The following CYP11B1 variants were observed in gnomAD, a reference collection of about 807,000 sequenced individuals.
CYP11B1 encodes cytochrome P450 family 11 subfamily B member 1.
CYP11B1 carries 34 observed loss-of-function variants against 48.3 expected under a neutral mutation model. That is an observed-to-expected ratio of 0.70 (90% CI 0.54 to 0.94). The LOEUF is 0.94. Ranked by LOEUF, CYP11B1 falls within the 40% of genes least tolerant of loss-of-function variation. The pLI, the probability that CYP11B1 is intolerant of heterozygous loss-of-function variation, is 0.00. For synonymous variants in CYP11B1, 291 were observed against 262.5 expected (o/e 1.11, Z -1.05); for missense variants, 688 against 657.4 (o/e 1.05, Z -0.51).
chr8:142,876,737 G>T lies in CYP11B1; in HGVS notation c.744C>A (p.Thr248=). The T allele has an allele frequency of 6.2e-7, 1 of 1,613,988 alleles. No homozygotes were observed. The highest frequency in any genetic ancestry group is 8.5e-7 in the Non-Finnish European group (1 of 1,179,972). The change falls in exon 4 of 9, where the codon ACC becomes ACA. Residue 248 remains threonine, a synonymous_variant. Transcript: ENST00000292427. The part of the protein sequence containing the change: ...MFMPRSLSRW[T]SPKVWKEHFE... Reference sequence around the variant, plus strand: ...AGTGCTCCTTCCACACCTTGGGGCTGGTCCAGCGAGACAGGCTCCTGGGCA... The same window carrying T: ...AGTGCTCCTTCCACACCTTGGGGCTTGTCCAGCGAGACAGGCTCCTGGGCA...
intron 2 of CYP11B1, among the ~76,000 whole-genome samples, chr8:142,878,806 A>C (rs371751829): frequency 1.3e-5 from 2 of 151,862 alleles, no homozygotes; most frequent in Non-Finnish European, 2.9e-5. Flanking sequence ...ATTGCTCTGC[A>C]TCTTCTCTGC....
intron 4 of CYP11B1, 46 bp downstream of exon 4, chr8:142,876,636 C>T (rs1233773351): frequency 6.3e-7 from 1 of 1,579,352 alleles, no homozygotes. Flanking sequence ...AATTGGGCCC[C>T]CATGGTGTCC....
intron 5 of CYP11B1, 146 bp downstream of exon 5, chr8:142,876,095 G>GT (rs1816937884): frequency 1.6e-6 from 2 of 1,275,110 alleles, no homozygotes; most frequent in Non-Finnish European, 2.2e-6. Flanking sequence ...CTGCAAACGT[G>GT]TTTATCACAT....
rs147788769 is a variant in CYP11B1, at chr8:142,879,736, C to G, written c.78G>C (p.Thr26=). ...CTGTCCTGGGGACCCGGGCGGCTCT[C>G]GTGCCCAGTGCCTGTGCCCTTTGCA... ...LSLQRAQALG[T]RAARVPRTVL... The change falls in exon 1 of 9, where the codon ACG becomes ACC. Residue 26 remains threonine (T), a synonymous_variant. Transcript: ENST00000292427. 1.9e-6 allele frequency: 3 copies of G among 1,614,240 alleles called. No homozygotes were observed. The Admixed American group carries it at 5.0e-5, about 27-fold the overall frequency.
chr8:142,878,156 T>A lies in CYP11B1; in HGVS notation c.395+876A>T, dbSNP rs569749825. On this transcript the variant is annotated intron_variant, in intron 2 of 8. Transcript: ENST00000292427. ...GATGCAAGACGCACACACATACAGGTGCGCTCCCCTTCCTTCCGTTATGTG... is the reference window on the plus strand; with the variant it reads ...GATGCAAGACGCACACACATACAGGAGCGCTCCCCTTCCTTCCGTTATGTG... Among the ~76,000 whole-genome samples the A allele has an allele frequency of 1.3e-4, 20 of 152,218 alleles. No individual in the cohort carries two copies. The East Asian group carries it at 2.5e-3, about 19-fold the overall frequency.
rs1817087938 is a variant in CYP11B1, at chr8:142,879,748, C to T, written c.66G>A (p.Gln22=). 1 of 1,614,136 alleles carries T rather than the reference C, an allele frequency of 6.2e-7. No individual in the cohort carries two copies. The highest frequency in any genetic ancestry group is 8.5e-7 in the Non-Finnish European group (1 of 1,180,060). ...CCCGGGCGGCTCTCGTGCCCAGTGC[C>T]TGTGCCCTTTGCAGGGACAGCCAGG... ...AVPWLSLQRA[Q]ALGTRAARVP... is the part of the protein sequence containing the mutation. Residue 22 remains glutamine, a synonymous_variant, in exon 1 of 9, where the codon CAG becomes CAA. Transcript: ENST00000292427.
rs2130274854 is a variant in CYP11B1, at chr8:142,876,688, G to A, written c.793C>T (p.Gln265Ter). ...CCCGGGTCCCTGGCCTCACCGTACT[G>A]GAAGATGCAGTCCCAGGCCTCAAAG... is the stretch of plus-strand genomic sequence containing the variant. ...EHFEAWDCIFQYGDNCIQKIY... is the reference protein window; with the variant it reads ...EHFEAWDCIF The change falls in exon 4 of 9, where the codon CAG becomes TAG. Residue 265 changes from glutamine to a stop codon, truncating the protein, a stop_gained. Coordinates refer to ENST00000292427, the MANE Select transcript of CYP11B1 (RefSeq NM_000497.4). LOFTEE classifies it high-confidence loss of function. 6.2e-7 allele frequency: 1 copy of A among 1,610,824 alleles called. No homozygotes were observed. The highest frequency in any genetic ancestry group is 8.5e-7 in the Non-Finnish European group (1 of 1,178,720).
At chr8:142,876,510 T>G (rs1816956020) in intron 4 of CYP11B1, 115 bp from the exon 5 acceptor site, 1 of 1,542,402 alleles carries the variant, frequency 6.5e-7, no homozygotes, top group Non-Finnish European at 8.8e-7. Flanking sequence ...CATCCCAAAT[T>G]CTCCGGATCA....
In CYP11B1 at chr8:142,879,592, T is replaced by A. The variant is rs200096159; in HGVS notation, c.222A>T (p.Glu74Asp). 6.2e-7 allele frequency: 1 copy of A among 1,614,080 alleles called. No homozygotes were observed. The part of the protein sequence containing the change: ...LHLEVHQTFQ[E>D]LGPIFRYDLG... ...GGCTTTACCTGAAAATGGGCCCTAG[T>A]TCCTGGAAGGTCTGGTGTACTTCCA... The change falls in exon 1 of 9, where the codon GAA becomes GAT. Residue 74 changes from glutamate to aspartate, a missense_variant. By Grantham distance (45) the Glu-to-Asp change is conservative (BLOSUM62 2). Transcript: ENST00000292427.
In CYP11B1 at chr8:142,874,173, C is replaced by A. The variant is rs878861232; in HGVS notation, c.*200G>T. 1.6e-6 allele frequency: 1 copy of A among 622,292 alleles called. No individual in the cohort carries two copies. The highest frequency in any genetic ancestry group is 2.8e-5 in the East Asian group (1 of 35,824). The allele number at this position is 622,292 out of a possible 1,614,324, so 38.5% of individuals were successfully genotyped here. A position where few individuals can be genotyped will look rare whatever the true frequency, so the allele number is the denominator to read the frequency against. ...CTGGGGACAAGGTCAGCAAGATCTTCCCCAGCTGTGCCCTGGCATTGCTGC... is the reference window on the plus strand; with the variant it reads ...CTGGGGACAAGGTCAGCAAGATCTTACCCAGCTGTGCCCTGGCATTGCTGC... On this transcript the variant is annotated 3_prime_UTR_variant, in exon 9 of 9. Transcript: ENST00000292427.
Position 142,879,753 on chromosome 8 carries a change from C to G in CYP11B1, c.61G>C (p.Ala21Pro). The change falls in exon 1 of 9, where the codon GCA (alanine) becomes CCA (proline). Residue 21 changes from alanine (A) to proline (P), a missense_variant. Physicochemically the swap from Ala to Pro is conservative, Grantham distance 27. Transcript: ENST00000292427. The part of the protein sequence containing the change: ...MAVPWLSLQR[A>P]QALGTRAARV... Reference sequence around the variant, plus strand: ...GCGGCTCTCGTGCCCAGTGCCTGTGCCCTTTGCAGGGACAGCCAGGGCACT... The same window carrying G: ...GCGGCTCTCGTGCCCAGTGCCTGTGGCCTTTGCAGGGACAGCCAGGGCACT... The G allele has an allele frequency of 6.2e-7, 1 of 1,614,208 alleles. No individual in the cohort carries two copies. The highest frequency in any genetic ancestry group is 8.5e-7 in the Non-Finnish European group (1 of 1,180,040).
At position 142,876,335 on chromosome 8, in the gene CYP11B1, G is replaced by C; in HGVS notation, c.860C>G (p.Thr287Ser). The change falls in exon 5 of 9, where the codon ACC (threonine) becomes AGC (serine). Residue 287 changes from threonine to serine, a missense_variant. By Grantham distance (58) the Thr-to-Ser change is moderately conservative (BLOSUM62 1). Coordinates refer to ENST00000292427, the MANE Select transcript of CYP11B1 (RefSeq NM_000497.4). Reference sequence around the variant, plus strand: ...CAACAGGAGCTCCGCCACGATGCTGGTGTACTGTTGAGGGCGGCTGAAGGC... The same window carrying C: ...CAACAGGAGCTCCGCCACGATGCTGCTGTACTGTTGAGGGCGGCTGAAGGC... Reference protein sequence around the residue: ...ELAFSRPQQYTSIVAELLLNA... With the variant: ...ELAFSRPQQYSSIVAELLLNA... The C allele has an allele frequency of 6.2e-7, 1 of 1,614,208 alleles. No individual in the cohort carries two copies. Among genetic ancestry groups the C allele is most frequent in the Non-Finnish European group, 8.5e-7 (1 of 1,180,016 alleles).
chr8:142,876,373 G>A lies in CYP11B1; in HGVS notation c.822C>T (p.Ile274=). The change falls in exon 5 of 9, where the codon ATC becomes ATT. Residue 274 remains isoleucine (I), a synonymous_variant. Coordinates refer to ENST00000292427, the MANE Select transcript of CYP11B1 (RefSeq NM_000497.4). ...GGCGGCTGAAGGCCAGTTCCTGATAGATTTTCTGGATACAGTTGTCGCCTA... is the reference window on the plus strand; with the variant it reads ...GGCGGCTGAAGGCCAGTTCCTGATAAATTTTCTGGATACAGTTGTCGCCTA... ...FQYGDNCIQK[I]YQELAFSRPQ... The A allele has an allele frequency of 6.2e-7, 1 of 1,614,082 alleles. No individual in the cohort carries two copies. The highest frequency in any genetic ancestry group is 1.7e-5 in the Admixed American group (1 of 60,028).
At chr8:142,874,757 G>A (rs1816877852) in intron 8 of CYP11B1, among the ~76,000 whole-genome samples, 200 bp downstream of exon 8, 1 of 152,112 alleles carries the variant, frequency 6.6e-6, no homozygotes, top group Admixed American at 6.5e-5. Context: ...TCACCCAGAT[G>A]GTACGCTCCT....
At chr8:142,877,756 C>T in intron 2 of CYP11B1, 1 of 1,597,952 alleles carries the variant, frequency 6.3e-7, no homozygotes, top group Non-Finnish European at 8.5e-7. Flanking sequence ...GCCATCCTCA[C>T]CTACAGCCAG....
rs548288093 is a variant in CYP11B1 at position 142,878,420 on chromosome 8, C to G, written c.395+612G>C. Among the ~76,000 whole-genome samples, 5 of 152,320 alleles carry G rather than the reference C, an allele frequency of 3.3e-5. No individual in the cohort carries two copies. The South Asian group carries it at 1.0e-3, about 32-fold the overall frequency. On this transcript the variant is annotated intron_variant, in intron 2 of 8. Coordinates refer to ENST00000292427, the MANE Select transcript of CYP11B1 (RefSeq NM_000497.4). The stretch of plus-strand genomic sequence containing the variant: ...GGTGACTGACTCCAAGCATCAGCCT[C>G]TCCCTGCCCACCTGACCAGGCGCCA...
chr8:142,874,381 T>C lies in CYP11B1; in HGVS notation c.1504A>G (p.Ile502Val), dbSNP rs1159492633. 1.2e-6 allele frequency: 2 copies of C among 1,612,174 alleles called. No homozygotes were observed. The highest frequency in any genetic ancestry group is 2.7e-5 in the African/African-American group (2 of 74,856). ...SMFPLLTFRA[I>V]N The stretch of plus-strand genomic sequence containing the variant: ...TGGGTGCAGAGACGTGATTAGTTGA[T>C]GGCTCTGAAGGTGAGGAGGGGGAAC... Residue 502 changes from isoleucine to valine, a missense_variant, in exon 9 of 9, where the codon ATC becomes GTC. Physicochemically the swap from Ile to Val is conservative, Grantham distance 29 (BLOSUM62 3). Coordinates refer to ENST00000292427, the MANE Select transcript of CYP11B1 (RefSeq NM_000497.4).
Position 142,879,740 on chromosome 8 carries a change from C to T in CYP11B1, c.74G>A (p.Gly25Asp). 6.2e-7 allele frequency: 1 copy of T among 1,614,240 alleles called. No individual in the cohort carries two copies. Among genetic ancestry groups the T allele is most frequent in the Non-Finnish European group, 8.5e-7 (1 of 1,180,052 alleles). The change falls in exon 1 of 9, where the codon GGC becomes GAC. Residue 25 changes from glycine (G) to aspartate (D), a missense_variant. Physicochemically the swap from Gly to Asp is moderately conservative, Grantham distance 94. Transcript: ENST00000292427. Reference sequence around the variant, plus strand: ...CCTGGGGACCCGGGCGGCTCTCGTGCCCAGTGCCTGTGCCCTTTGCAGGGA... The same window carrying T: ...CCTGGGGACCCGGGCGGCTCTCGTGTCCAGTGCCTGTGCCCTTTGCAGGGA... ...WLSLQRAQAL[G>D]TRAARVPRTV...
intron 4 of CYP11B1, 133 bp from the exon 5 acceptor site, chr8:142,876,528 C>G (rs1816956686): frequency 1.3e-6 from 2 of 1,545,492 alleles, no homozygotes; most frequent in Admixed American, 3.9e-5. Context: ...TCAGCCCAGC[C>G]CAGCCCCAGC....
Sources: gnomAD v4.1 joint callset for allele counts (sites outside exome capture counted in the v4.1 genomes callset) on GRCh38, gnomAD v4.1.1 for gene constraint, MANE v1.5 for transcripts, NCBI Gene and HGNC (gene_info 2026-07-23, HGNC 2026-07-21) for gene names.